The following CIZ1 variants were observed in gnomAD, a reference collection of about 807,000 sequenced individuals.
The protein encoded by CIZ1 is cip1-interacting zinc finger protein.
Under a neutral mutation model 118.6 loss-of-function variants are expected in CIZ1, and 58 were observed. The observed-to-expected ratio is 0.49, with a 90% CI of 0.40 to 0.61. The LOEUF is 0.61. Among genes scored for constraint, CIZ1 ranks in the 20% least tolerant of loss-of-function variants. CIZ1 has a pLI of 0.00. For synonymous variants in CIZ1, 448 were observed against 443.4 expected, an observed-to-expected ratio of 1.01 and a Z score of -0.13; for missense variants, 921 against 1,115.9, an observed-to-expected ratio of 0.83 and a Z score of 2.49.
At chr9:128,202,248 G>A (rs919793272) in intron 1 of CIZ1, among the ~76,000 whole-genome samples, 1 of 152,142 alleles carries the variant, frequency 6.6e-6, no homozygotes, top group African/African-American at 2.4e-5. Flanking sequence ...ATGACTCACC[G>A]ACTCCCCATG....
At chr9:128,188,771 T>C (rs1717651395) in intron 3 of CIZ1, among the ~76,000 whole-genome samples, 1 of 152,152 alleles carries the variant, frequency 6.6e-6, no homozygotes, top group Admixed American at 6.6e-5. Context: ...TAGCTGGGAT[T>C]ACAGGCGCAC....
chr9:128,190,801 CTGCTGGAGCTGCTGCTGCTGT>C lies in CIZ1; in HGVS notation c.36_56del (p.Gln13_Gln19del), dbSNP rs761734002. The C allele has an allele frequency of 1.9e-4, 296 of 1,541,486 alleles. No homozygotes were observed. The highest frequency in any genetic ancestry group is 1.8e-4 in the Non-Finnish European group (206 of 1,144,564). ...GCTGCTGGAGCTGCTGCTGCTGTAACTGCTGGAGCTGCTGCTGCTGTTGCTGGAGCTGCTGCTGCTGCTGCT... is the reference window on the plus strand; with the variant it reads ...GCTGCTGGAGCTGCTGCTGCTGTAACTGCTGGAGCTGCTGCTGCTGCTGCT... On this transcript the variant is annotated inframe_deletion, in exon 2 of 17. Coordinates refer to ENST00000372938, the MANE Select transcript of CIZ1 (RefSeq NM_001131016.2).
Position 128,170,059 on chromosome 9 carries a change from C to T in CIZ1, c.1992G>A (p.Met664Ile). The T allele has an allele frequency of 6.2e-7, 1 of 1,614,070 alleles. No individual in the cohort carries two copies. The highest frequency in any genetic ancestry group is 8.5e-7 in the Non-Finnish European group (1 of 1,180,004). The change falls in exon 12 of 17, where the codon ATG becomes ATA. Residue 664 changes from methionine (M) to isoleucine (I), a missense_variant. Met to Ile is a conservative substitution (Grantham distance 10). Transcript: ENST00000372938. ...RWCNTCQLYY[M>I]GDLIQHRRTQ... ...TCCTGCGGTGTTGGATCAGGTCCCCCATGTAGTAGAGCTGGCAGGTGTTGC... is the reference window on the plus strand; with the variant it reads ...TCCTGCGGTGTTGGATCAGGTCCCCTATGTAGTAGAGCTGGCAGGTGTTGC...
intron 5 of CIZ1, 26 bp from the exon 6 acceptor site, chr9:128,180,840 A>G (rs1346608699): frequency 1.3e-6 from 2 of 1,520,690 alleles, no homozygotes; most frequent in South Asian, 2.2e-5. Context: ...AACTATGTTG[A>G]CATCCAATAC....
chr9:128,203,593 C>A lies in CIZ1; in HGVS notation c.-6+593G>T. 1 of 1,550,814 alleles carries A rather than the reference C, an allele frequency of 6.4e-7. No homozygotes were observed. Among genetic ancestry groups the A allele is most frequent in the South Asian group, 1.2e-5 (1 of 85,232 alleles). ...AGATCGCTGTGGTGGGCGGCCAGAG[C>A]GCCGGCAAGAGCTCGGTGCTCGAGA... On this transcript the variant is annotated intron_variant, in intron 1 of 17. Coordinates refer to the CIZ1 transcript ENST00000372948. This position sits in a 1 kb window ranked among gnomAD's most constrained non-coding sequence, Gnocchi z 5.3.
intron 1 of CIZ1, chr9:128,197,938 G>A (rs1833418062): frequency 6.6e-6 from 1 of 152,262 alleles, no homozygotes; most frequent in South Asian, 2.1e-4. Context: ...GAGGTAAAAT[G>A]ATTTGCCCAA....
At chr9:128,182,222 T>C (rs7848490) in intron 5 of CIZ1, among the ~76,000 whole-genome samples, 94,690 of 151,170 alleles carry the variant, frequency 0.63, 30,738 homozygotes, top group East Asian at 0.95. Flanking sequence ...TACCAGTCTC[T>C]GCGCATTGGT....
At chr9:128,168,258 G>A (rs1829686228) in intron 14 of CIZ1, among the ~76,000 whole-genome samples, 2 of 152,246 alleles carry the variant, frequency 1.3e-5, no homozygotes, top group Admixed American at 1.3e-4. Context: ...GCTCACGCCT[G>A]TAATCCCAGC....
intron 11 of CIZ1, among the ~76,000 whole-genome samples, chr9:128,171,283 G>C (rs963601666): frequency 1.3e-5 from 2 of 151,020 alleles, no homozygotes; most frequent in Non-Finnish European, 2.9e-5. Flanking sequence ...AATAAAATTA[G>C]TCAGGCATGG....
In CIZ1 at chr9:128,179,053, G is replaced by C; in HGVS notation, c.1154C>G (p.Ser385Ter). ...VQPQVQPQAHSQGPRQVQLQQ... is the reference protein window; with the variant it reads ...VQPQVQPQAH ...CAGCTGCACCTGCCTTGGGCCCTGT[G>C]AATGTGCCTGTGGCTGTACCTGTGG... Residue 385 changes from serine to a stop codon, truncating the protein, a stop_gained, in exon 8 of 17, where the codon TCA (serine) becomes TGA (stop). Coordinates refer to ENST00000372938, the MANE Select transcript of CIZ1 (RefSeq NM_001131016.2). LOFTEE classifies it high-confidence loss of function. The C allele has an allele frequency of 1.2e-6, 2 of 1,613,230 alleles. No individual in the cohort carries two copies. The highest frequency in any genetic ancestry group is 1.1e-5 in the South Asian group (1 of 91,052).
Position 128,177,577 on chromosome 9 carries a change from A to T in CIZ1, c.1807T>A (p.Ser603Thr). 2.4e-5 allele frequency: 24 copies of T among 981,400 alleles called. No individual in the cohort carries two copies. The highest frequency in any genetic ancestry group is 3.4e-5 in the Non-Finnish European group (24 of 713,814). 60.8% of individuals were successfully genotyped at this position (981,400 alleles called of 1,614,324 possible). A position where few individuals can be genotyped will look rare whatever the true frequency, so the allele number is the denominator to read the frequency against. The change falls in exon 10 of 17, where the codon TCC becomes ACC. Residue 603 changes from serine (S) to threonine (T), a missense_variant. Ser to Thr is a moderately conservative substitution (Grantham distance 58). Coordinates refer to ENST00000372938, the MANE Select transcript of CIZ1 (RefSeq NM_001131016.2). ...FFCYICKASC[S>T]SQQEFQDHMS... Reference sequence around the variant, plus strand: ...TCCTGTATCAGTACCTGCTGGCTGGAGCAGCTGGCCTTGCAGATGTAGCAG... The same window carrying T: ...TCCTGTATCAGTACCTGCTGGCTGGTGCAGCTGGCCTTGCAGATGTAGCAG...
At chr9:128,173,185 C>T (rs1830366901) in intron 11 of CIZ1, among the ~76,000 whole-genome samples, 1 of 143,618 alleles carries the variant, frequency 7.0e-6, no homozygotes, top group Admixed American at 7.1e-5. Flanking sequence ...CGCTCTGTCG[C>T]CCAGGCTGGA....
upstream of CIZ1, among the ~76,000 whole-genome samples, chr9:128,195,259 A>C (rs899870647): frequency 4.6e-5 from 7 of 152,160 alleles, no homozygotes; most frequent in Non-Finnish European, 1.0e-4. Flanking sequence ...CCACAATATG[A>C]TGTGAAGTGA....
chr9:128,167,749 G>C (rs1829609147), intron 14 of CIZ1: 1 of 154,424 alleles, frequency 6.5e-6, no homozygotes, highest in African/African-American at 2.4e-5. Context: ...TCTGACTCTG[G>C]CCGTGTCAGC....
At chr9:128,198,862 C>T (rs1017601274) in intron 1 of CIZ1, among the ~76,000 whole-genome samples, 4 of 151,614 alleles carry the variant, frequency 2.6e-5, no homozygotes, top group Admixed American at 1.3e-4. Flanking sequence ...TTTTTGTGCA[C>T]TAAAAATATG....
upstream of CIZ1, chr9:128,191,656 C>A (rs960113153): frequency 3.2e-6 from 4 of 1,246,022 alleles, no homozygotes; most frequent in African/African-American, 6.2e-5. This position sits in a 1 kb window ranked among gnomAD's most constrained non-coding sequence, Gnocchi z 5.5. Context: ...CACCCGAGCC[C>A]GCCCAGTGCA....
At chr9:128,189,534 T>C (rs1832863334) in intron 3 of CIZ1, among the ~76,000 whole-genome samples, 1 of 152,050 alleles carries the variant, frequency 6.6e-6, no homozygotes, top group East Asian at 1.9e-4. Flanking sequence ...AGGAGCAGCA[T>C]CTTGGCTGGG....
At chr9:128,191,657 G>A, upstream of CIZ1, 1 of 1,244,142 alleles carries the variant, frequency 8.0e-7, no homozygotes, top group South Asian at 2.8e-5. The surrounding 1 kb of genome is among the most constrained non-coding windows in gnomAD (Gnocchi z 5.5). Context: ...ACCCGAGCCC[G>A]CCCAGTGCAC....
chr9:128,191,738 T>G (rs1588272493), upstream of CIZ1: 3 of 1,390,756 alleles, frequency 2.2e-6, no homozygotes, highest in Non-Finnish European at 2.8e-6. The surrounding 1 kb of genome is among the most constrained non-coding windows in gnomAD (Gnocchi z 5.5). Flanking sequence ...ATACCCTCTG[T>G]CCCGCGTCCT....
Sources: allele counts gnomAD v4.1 joint callset (sites outside exome capture counted in the v4.1 genomes callset), GRCh38; gene constraint gnomAD v4.1.1; non-coding constraint Gnocchi (gnomAD v3.1); transcripts MANE v1.5; gene names NCBI Gene and HGNC (gene_info 2026-07-23, HGNC 2026-07-21).